TGFBR1: variants seen among roughly 807,000 people sequenced by gnomAD.
The protein encoded by TGFBR1 is TGF-beta receptor type-1.
TGFBR1 carries 20 observed loss-of-function variants against 55.1 expected under a neutral mutation model. The ratio of observed to expected loss-of-function variants is 0.36; its 90% CI spans 0.26 to 0.53. The LOEUF (loss-of-function observed/expected upper bound fraction) is 0.53. Among genes scored for constraint, TGFBR1 ranks in the 20% least tolerant of loss-of-function variants. TGFBR1 has a pLI of 0.91. For missense variants in TGFBR1, 385 were observed against 617.6 expected, an observed-to-expected ratio of 0.62 and a Z score of 3.99; for synonymous variants, 220 against 214.8, an observed-to-expected ratio of 1.02 and a Z score of -0.21.
Position 99,151,408 on chromosome 9 carries a change from TTTG to T in TGFBR1, c.*2112_*2114del, listed in dbSNP as rs886063241. 114 of 222,936 alleles carry T rather than the reference TTTG, an allele frequency of 5.1e-4. No individual in the cohort carries two copies. Among genetic ancestry groups the T allele is most frequent in the Admixed American group, 9.3e-4 (16 of 17,246 alleles). The allele number at this position is 222,936 out of a possible 1,614,324, so 13.8% of individuals were successfully genotyped here. ...GGGGTTTTTTTTTTGTTTTTTTTTT[TTTG>T]TTGTTGTTTTTGGGCCATTTCTAAG... On this transcript the variant is annotated 3_prime_UTR_variant, in exon 9 of 9. Transcript: ENST00000374994.
chr9:99,105,055 G>A, upstream of TGFBR1: 1 of 532,584 alleles, frequency 1.9e-6, no homozygotes, highest in Non-Finnish European at 2.5e-6. Context: ...CGGGAGCCCG[G>A]CAGCCAATGG....
intron 1 of TGFBR1, among the ~76,000 whole-genome samples, chr9:99,116,166 C>T (rs1826730116): frequency 1.4e-5 from 2 of 141,694 alleles, no homozygotes; most frequent in African/African-American, 5.5e-5. Flanking sequence ...TGTTTCTTCA[C>T]TTTATTCTTA....
chr9:99,110,238 TA>T (rs199877403), intron 1 of TGFBR1, among the ~76,000 whole-genome samples: 2 of 152,124 alleles, frequency 1.3e-5, no homozygotes, highest in African/African-American at 2.4e-5. Flanking sequence ...TAATCTAACT[TA>T]AAAAAAATTG....
At position 99,117,480 on chromosome 9, in the gene TGFBR1, A is replaced by G. The variant is rs187910886; in HGVS notation, c.98-11375A>G. Among the ~76,000 whole-genome samples the G allele has an allele frequency of 1.4e-3, 219 of 152,206 alleles. 1 individual carries two copies. Among genetic ancestry groups the G allele is most frequent in the African/African-American group, 4.1e-3 (171 of 41,516 alleles). On this transcript the variant is annotated intron_variant, in intron 1 of 8. Transcript: ENST00000374994. ...TTTAAAAATGTTTTCCTGTGTTTTC[A>G]TTTAAAAGATTGGTTTTACCTCTCA...
At chr9:99,121,482 G>C (rs996012233) in intron 1 of TGFBR1, among the ~76,000 whole-genome samples, 1 of 152,120 alleles carries the variant, frequency 6.6e-6, no homozygotes, top group African/African-American at 2.4e-5. Flanking sequence ...CTTGAGAAGG[G>C]GGCATGTGTT....
Position 99,149,652 on chromosome 9 carries a change from T to C in TGFBR1, c.*347T>C. ...CATCTTTAAGGGCAAAGGAGTTGGA[T>C]TGCTGAATTACAATGAAACATGTCT... On this transcript the variant is annotated 3_prime_UTR_variant, in exon 9 of 9. Coordinates refer to ENST00000374994, the MANE Select transcript of TGFBR1 (RefSeq NM_004612.4). 8.6e-6 allele frequency: 3 copies of C among 348,352 alleles called. No individual in the cohort carries two copies. The highest frequency in any genetic ancestry group is 4.7e-5 in the East Asian group (1 of 21,418). The allele number at this position is 348,352 out of a possible 1,614,324, so 21.6% of individuals were successfully genotyped here.
chr9:99,112,325 A>C (rs988008572), intron 1 of TGFBR1, among the ~76,000 whole-genome samples: 9 of 151,498 alleles, frequency 5.9e-5, no homozygotes. Flanking sequence ...ACATACCTGC[A>C]TGGCTTCCTC....
Position 99,147,541 on chromosome 9 carries a change from A to T in TGFBR1, c.1256-113A>T, listed in dbSNP as rs1050873261. On this transcript the variant is annotated intron_variant, in intron 7 of 8. Transcript: ENST00000374994. ...TAGAGAAAGCTGTAATCTCTGTTCCACATACCTACTTTAGTAATGAAACAC... is the reference window on the plus strand; with the variant it reads ...TAGAGAAAGCTGTAATCTCTGTTCCTCATACCTACTTTAGTAATGAAACAC... 4 of 1,011,550 alleles carry T rather than the reference A, an allele frequency of 4.0e-6. No homozygotes were observed. The South Asian group carries it at 4.2e-5, about 11-fold the overall frequency. The allele number at this position is 1,011,550 out of a possible 1,614,324, so 62.7% of individuals were successfully genotyped here. A position where few individuals can be genotyped will look rare whatever the true frequency, so the allele number is the denominator to read the frequency against.
intron 2 of TGFBR1, 115 bp from the exon 3 acceptor site, chr9:99,132,394 C>G: frequency 6.5e-7 from 1 of 1,534,640 alleles, no homozygotes; most frequent in Non-Finnish European, 8.8e-7. Flanking sequence ...GGCTCTTTGG[C>G]TAAGTGGTGG....
chr9:99,124,124 A>G (rs941534047), intron 1 of TGFBR1, among the ~76,000 whole-genome samples: 19 of 152,220 alleles, frequency 1.2e-4, no homozygotes, highest in East Asian at 1.9e-4. Flanking sequence ...CTATCTAACA[A>G]ATTGTACATA....
chr9:99,134,660 A>T (rs1343211291), intron 3 of TGFBR1, among the ~76,000 whole-genome samples: 1 of 151,570 alleles, frequency 6.6e-6, no homozygotes, highest in African/African-American at 2.4e-5. Flanking sequence ...CACAGCACTC[A>T]TGCCACTTGC....
At chr9:99,136,645 T>C (rs1333126916) in intron 3 of TGFBR1, among the ~76,000 whole-genome samples, 1 of 152,100 alleles carries the variant, frequency 6.6e-6, no homozygotes, top group Non-Finnish European at 1.5e-5. Flanking sequence ...TGCTAACTAC[T>C]TTACAGGAGG....
intron 1 of TGFBR1, among the ~76,000 whole-genome samples, chr9:99,115,562 C>T (rs1826710347): frequency 6.6e-6 from 1 of 152,132 alleles, no homozygotes; most frequent in Non-Finnish European, 1.5e-5. Flanking sequence ...GATAGAAAAG[C>T]AGCAACTGCC....
chr9:99,142,682 A>G lies in TGFBR1; in HGVS notation c.952A>G (p.Met318Val), dbSNP rs752190665. 6 of 1,614,050 alleles carry G rather than the reference A, an allele frequency of 3.7e-6. No individual in the cohort carries two copies. Among genetic ancestry groups the G allele is most frequent in the Non-Finnish European group, 5.1e-6 (6 of 1,179,924 alleles). The change falls in exon 5 of 9, where the codon ATG becomes GTG. Residue 318 changes from methionine (M) to valine (V), a missense_variant. Met to Val is a conservative substitution (Grantham distance 21, BLOSUM62 1). This residue lies in a region of TGFBR1 where 85 missense variants were observed against 228.4 expected (regional missense o/e 0.37). Coordinates refer to ENST00000374994, the MANE Select transcript of TGFBR1 (RefSeq NM_004612.4). ...GGCGAGCGGTCTTGCCCATCTTCAC[A>G]TGGAGATTGTTGGTACCCAAGGTAA... Reference protein sequence around the residue: ...STASGLAHLHMEIVGTQGKPA... With the variant: ...STASGLAHLHVEIVGTQGKPA...
chr9:99,131,151 A>G (rs1052741377), intron 2 of TGFBR1, among the ~76,000 whole-genome samples: 2 of 152,186 alleles, frequency 1.3e-5, no homozygotes, highest in Non-Finnish European at 2.9e-5. Context: ...TATCAATTTC[A>G]AGAATAAAAG....
intron 1 of TGFBR1, among the ~76,000 whole-genome samples, chr9:99,112,542 T>A (rs1478786644): frequency 6.6e-6 from 1 of 152,254 alleles, no homozygotes; most frequent in Non-Finnish European, 1.5e-5. Context: ...TGAAAGTGGA[T>A]GTCTTCGTTT....
intron 2 of TGFBR1, among the ~76,000 whole-genome samples, chr9:99,130,803 A>G (rs1827199645): frequency 2.0e-5 from 3 of 152,222 alleles, no homozygotes; most frequent in African/African-American, 7.2e-5. Context: ...GTCTATTTTC[A>G]GTTATTCACT....
At chr9:99,139,763 A>C (rs184720262) in intron 4 of TGFBR1, among the ~76,000 whole-genome samples, 27 of 152,356 alleles carry the variant, frequency 1.8e-4, no homozygotes, top group East Asian at 1.7e-3. Flanking sequence ...TATGATTCTA[A>C]GTCCACAAGT....
At position 99,147,780 on chromosome 9, in the gene TGFBR1, G is replaced by C; in HGVS notation, c.1382G>C (p.Cys461Ser). 1 of 1,613,762 alleles carries C rather than the reference G, an allele frequency of 6.2e-7. No homozygotes were observed. Among genetic ancestry groups the C allele is most frequent in the East Asian group, 2.2e-5 (1 of 44,836 alleles). Residue 461 changes from cysteine (C) to serine (S), a missense_variant, in exon 8 of 9, where the codon TGT becomes TCT. Coordinates refer to ENST00000374994, the MANE Select transcript of TGFBR1 (RefSeq NM_004612.4). Reference protein sequence around the residue: ...RPNIPNRWQSCEALRVMAKIM... With the variant: ...RPNIPNRWQSSEALRVMAKIM... ...AATATCCCAAACAGATGGCAGAGCT[G>C]TGAAGTGAGTATTTCTTTTTGATAT...
Sources: allele counts gnomAD v4.1 joint callset (sites outside exome capture counted in the v4.1 genomes callset), GRCh38; gene constraint gnomAD v4.1.1; regional missense constraint gnomAD v4.1.1; transcripts MANE v1.5; gene names NCBI Gene and HGNC (gene_info 2026-07-23, HGNC 2026-07-21).